The following METTL27 variants were observed in gnomAD, a reference collection of about 807,000 sequenced individuals.
METTL27 encodes the protein methyltransferase like 27.
METTL27 carries 29 observed loss-of-function variants against 24.5 expected under a neutral mutation model. That is an observed-to-expected ratio of 1.18 (90% CI 0.88 to 1.61). METTL27 has a LOEUF of 1.61. METTL27 is among the 40% of genes most tolerant of loss of function. The probability of loss-of-function intolerance (pLI) is 0.00; values close to 1 mark genes in which losing one functional copy is unlikely to be tolerated. For missense variants in METTL27, 341 were observed against 324.3 expected, an observed-to-expected ratio of 1.05 and a Z score of -0.40; for synonymous variants, 138 against 146.8, an observed-to-expected ratio of 0.94 and a Z score of 0.43.
rs1342693682 is a variant in METTL27 at position 73,840,645 on chromosome 7, G to A, written c.253-96C>T. Reference sequence around the variant, plus strand: ...CAGGGCAGTGGACTCTGCACTGAATGTGGCCCATGCATTTGCTTTTTTTAA... The same window carrying A: ...CAGGGCAGTGGACTCTGCACTGAATATGGCCCATGCATTTGCTTTTTTTAA... On this transcript the variant is annotated intron_variant, in intron 3 of 5. Coordinates refer to ENST00000297873, the MANE Select transcript of METTL27 (RefSeq NM_152559.3). 1.0e-5 allele frequency: 15 copies of A among 1,474,314 alleles called. No homozygotes were observed. The Middle Eastern group carries it at 7.6e-4, about 75-fold the overall frequency. The allele number at this position is 1,474,314 out of a possible 1,614,324, so 91.3% of individuals were successfully genotyped here.
chr7:73,835,005 G>A lies in METTL27; in HGVS notation c.479-3C>T, dbSNP rs375823114. 8 of 1,607,008 alleles carry A rather than the reference G, an allele frequency of 5.0e-6. No individual in the cohort carries two copies. The highest frequency in any genetic ancestry group is 3.3e-5 in the South Asian group (3 of 90,608). ...GGTGGTCAGACACACCAGCCCACCTGGGGGAGAGGGGTAGGTGAGGTGGGG... is the reference window on the plus strand; with the variant it reads ...GGTGGTCAGACACACCAGCCCACCTAGGGGAGAGGGGTAGGTGAGGTGGGG... On this transcript the variant is annotated splice_region_variant and splice_polypyrimidine_tract_variant and intron_variant, in intron 5 of 5. Transcript: ENST00000297873.
intron 5 of METTL27, among the ~76,000 whole-genome samples, chr7:73,839,290 A>T (rs557467659): frequency 1.3e-3 from 204 of 152,252 alleles, no homozygotes; most frequent in African/African-American, 4.6e-3. Context: ...CTCAAATTAA[A>T]TAAATAAATA....
At chr7:73,840,223 C>T in intron 4 of METTL27, 103 bp from the exon 5 acceptor site, 1 of 1,461,344 alleles carries the variant, frequency 6.8e-7, no homozygotes, top group Non-Finnish European at 9.2e-7. Context: ...GAGGCTACTA[C>T]CCGCATCTGC....
Position 73,834,780 on chromosome 7 carries a change from C to G in METTL27, c.701G>C (p.Cys234Ser). Residue 234 changes from cysteine to serine, a missense_variant, in exon 6 of 6, where the codon TGT (cysteine) becomes TCT (serine). Cys to Ser is a moderately radical substitution (Grantham distance 112, BLOSUM62 -1). Coordinates refer to ENST00000297873, the MANE Select transcript of METTL27 (RefSeq NM_152559.3). ...CCTGGGTCGCCTTCCACTTTCGGTA[C>G]AGGTAGACAATGCCGGAGATGAAGC... ...RMASSPALSTCTESGRRPRLR... is the reference protein window; with the variant it reads ...RMASSPALSTSTESGRRPRLR... The G allele has an allele frequency of 6.2e-7, 1 of 1,614,140 alleles. No homozygotes were observed. Among genetic ancestry groups the G allele is most frequent in the South Asian group, 1.1e-5 (1 of 91,088 alleles).
At chr7:73,837,849 C>T (rs1788251390) in intron 5 of METTL27, among the ~76,000 whole-genome samples, 1 of 151,742 alleles carries the variant, frequency 6.6e-6, no homozygotes, top group Non-Finnish European at 1.5e-5. Context: ...CTGCCCACCC[C>T]CCCTTTTTTT....
intron 4 of METTL27, 100 bp downstream of exon 4, chr7:73,840,314 G>A (rs1456983028): frequency 6.6e-7 from 1 of 1,525,000 alleles, no homozygotes; most frequent in Non-Finnish European, 8.8e-7. Context: ...AGGGTTGAGT[G>A]AGGGACTGGG....
intron 4 of METTL27, 120 bp downstream of exon 4, chr7:73,840,294 C>T (rs1180441800): frequency 2.7e-6 from 4 of 1,493,400 alleles, no homozygotes; most frequent in Admixed American, 2.2e-5. Context: ...GCAGTCAGAT[C>T]GTGGGGTGCA....
At chr7:73,841,269 T>G (rs782010965) in intron 2 of METTL27, 71 bp from the exon 3 acceptor site, 28 of 1,513,342 alleles carry the variant, frequency 1.9e-5, no homozygotes, top group Non-Finnish European at 2.3e-5. Flanking sequence ...TGGGGTGGTC[T>G]CAGAGTCTGC....
At chr7:73,836,130 TG>T (rs1322455010) in intron 5 of METTL27, among the ~76,000 whole-genome samples, 4 of 105,634 alleles carry the variant, frequency 3.8e-5, no homozygotes, top group Admixed American at 9.4e-5. Context: ...GGGAGGGAGG[TG>T]GGGGGGTCAG....
chr7:73,839,273 ACT>A (rs1413012354), intron 5 of METTL27, among the ~76,000 whole-genome samples: 2 of 152,200 alleles, frequency 1.3e-5, no homozygotes, highest in South Asian at 2.1e-4. Flanking sequence ...ACAGAGCAAG[ACT>A]CTGTCTCAAA....
intron 5 of METTL27, among the ~76,000 whole-genome samples, chr7:73,837,318 A>T (rs1290386104): frequency 2.0e-4 from 4 of 20,192 alleles, no homozygotes; most frequent in Non-Finnish European, 6.4e-4. Context: ...TAAAAAAAAT[A>T]AAAAAAAATA....
intron 5 of METTL27, among the ~76,000 whole-genome samples, chr7:73,838,350 A>G (rs1172789635): frequency 6.6e-6 from 1 of 152,154 alleles, no homozygotes; most frequent in African/African-American, 2.4e-5. Context: ...ATGATTATCT[A>G]ACATCACAGG....
At chr7:73,840,935 A>C in intron 3 of METTL27, 135 bp downstream of exon 3, 2 of 1,311,248 alleles carry the variant, frequency 1.5e-6, no homozygotes, top group Non-Finnish European at 2.0e-6. Flanking sequence ...TGTGAGCCAC[A>C]GTATGCCTGG....
In METTL27 at chr7:73,840,443, A is replaced by C. The variant is rs1788319266; in HGVS notation, c.359T>G (p.Leu120Arg). Residue 120 changes from leucine to arginine, a missense_variant, in exon 4 of 6, where the codon CTG (leucine) becomes CGG (arginine). Leu to Arg is a moderately radical substitution (Grantham distance 102). Coordinates refer to ENST00000297873, the MANE Select transcript of METTL27 (RefSeq NM_152559.3). ...CGGGCTGGGCAGAGGCTCCTGGCCC[A>C]GGGTGCAGAGGCTGAGGCGCTGATA... The part of the protein sequence containing the change: ...GLYQRLSLCT[L>R]GQEPLPSPEG... 3.1e-6 allele frequency: 5 copies of C among 1,594,692 alleles called. No homozygotes were observed. Among genetic ancestry groups the C allele is most frequent in the Non-Finnish European group, 3.4e-6 (4 of 1,171,426 alleles).
At chr7:73,842,376 G>A (rs1788390639) in intron 1 of METTL27, 114 bp downstream of exon 1, 7 of 589,172 alleles carry the variant, frequency 1.2e-5, no homozygotes, top group Non-Finnish European at 1.9e-5. Flanking sequence ...GGGGTGCCCC[G>A]CGGCTGGAGG....
Position 73,842,082 on chromosome 7 carries a change from T to C in METTL27, c.59A>G (p.His20Arg), listed in dbSNP as rs144803301. Residue 20 changes from histidine to arginine, a missense_variant, in exon 2 of 6, where the codon CAT becomes CGT. Coordinates refer to ENST00000297873, the MANE Select transcript of METTL27 (RefSeq NM_152559.3). ...PEVRARVRAA[H>R]GIPDLAQKLH... ...CTTTTGGGCCAGGTCGGGGATGCCA[T>C]GCGCGGCCCTGACCCGCGCCCGCAC... 2.5e-6 allele frequency: 4 copies of C among 1,613,932 alleles called. No homozygotes were observed. The Admixed American group carries it at 5.0e-5, about 20-fold the overall frequency.
At chr7:73,840,203 G>C (rs1644051712) in intron 4 of METTL27, 83 bp from the exon 5 acceptor site, 2 of 1,493,232 alleles carry the variant, frequency 1.3e-6, no homozygotes, top group Non-Finnish European at 1.8e-6. Context: ...GACCACCCTA[G>C]GGGTGGGACG....
chr7:73,835,289 T>C lies in METTL27; in HGVS notation c.479-287A>G, dbSNP rs1040258976. 2.9e-3 allele frequency among the ~76,000 whole-genome samples: 411 copies of C among 144,112 alleles called. 4 individuals are homozygous for C. Among genetic ancestry groups the C allele is most frequent in the Admixed American group, 0.026 (383 of 14,636 alleles). The allele number at this position is 144,112 out of a possible 152,430, so 94.5% of individuals were successfully genotyped here. On this transcript the variant is annotated intron_variant, in intron 5 of 5. Coordinates refer to ENST00000297873, the MANE Select transcript of METTL27 (RefSeq NM_152559.3). ...CTCATGCTGAGCCGAAGCTGGACTG[T>C]ACTGCTGCCATCTCGGCTCACTGCA...
At chr7:73,838,836 G>A (rs922222954) in intron 5 of METTL27, among the ~76,000 whole-genome samples, 1 of 87,524 alleles carries the variant, frequency 1.1e-5, no homozygotes, top group South Asian at 3.3e-4. Context: ...TGGCAGAGAC[G>A]GGAGGGAGAG....
Sources: gnomAD v4.1 joint callset for allele counts (sites outside exome capture counted in the v4.1 genomes callset) on GRCh38, gnomAD v4.1.1 for gene constraint, MANE v1.5 for transcripts, NCBI Gene and HGNC (gene_info 2026-07-23, HGNC 2026-07-21) for gene names.